Variants in MAGI2 observed in about 807,000 individuals in gnomAD.
MAGI2 encodes the protein membrane associated guanylate kinase, WW and PDZ domain containing 2.
A neutral mutation model predicts 133.3 loss-of-function variants in MAGI2; 35 were observed. The observed-to-expected ratio is 0.26, with a 90% CI of 0.20 to 0.35. The LOEUF (loss-of-function observed/expected upper bound fraction) is 0.35. Ranked by LOEUF, MAGI2 falls within the 10% of genes least tolerant of loss-of-function variation. The pLI is 1.00. For synonymous variants in MAGI2, 729 were observed against 710.6 expected (o/e 1.03, Z -0.41); for missense variants, 1,636 against 1,863.4 (o/e 0.88, Z 2.25).
At chr7:78,959,241 G>A (rs1284563739) in intron 2 of MAGI2, among the ~76,000 whole-genome samples, 1 of 152,130 alleles carries the variant, frequency 6.6e-6, no homozygotes, top group East Asian at 1.9e-4. Context: ...TGCAAAGTTA[G>A]TCAATTCCAG....
intron 1 of MAGI2, among the ~76,000 whole-genome samples, chr7:79,240,103 G>C (rs938794345): frequency 6.6e-6 from 1 of 152,088 alleles, no homozygotes. Flanking sequence ...CTGCTGCAGT[G>C]GTGTTCATCC....
intron 2 of MAGI2, among the ~76,000 whole-genome samples, chr7:78,724,822 C>T (rs1361243615): frequency 6.6e-6 from 1 of 152,172 alleles, no homozygotes. Context: ...TGCATAACAG[C>T]ACTTGCCAGT....
chr7:78,400,545 CA>C (rs1165154300), intron 6 of MAGI2, among the ~76,000 whole-genome samples: 1 of 152,042 alleles, frequency 6.6e-6, no homozygotes, highest in East Asian at 1.9e-4. Context: ...TTTATTCACA[CA>C]ATTTTTTAAT....
intron 2 of MAGI2, among the ~76,000 whole-genome samples, chr7:78,745,399 C>T (rs540729294): frequency 3.9e-5 from 6 of 152,092 alleles, no homozygotes; most frequent in Non-Finnish European, 5.9e-5. Flanking sequence ...CAATATGAGG[C>T]AAGCTTTCTG....
intron 1 of MAGI2, among the ~76,000 whole-genome samples, chr7:79,099,351 G>T (rs1321520673): frequency 2.6e-5 from 4 of 151,924 alleles, no homozygotes; most frequent in African/African-American, 9.7e-5. Context: ...AATTATTAGA[G>T]ATCTTAAATT....
chr7:78,019,052 T>C lies in MAGI2; in HGVS notation c.*263A>G. 1 of 448,720 alleles carries C rather than the reference T, an allele frequency of 2.2e-6. No homozygotes were observed. Among genetic ancestry groups the C allele is most frequent in the Non-Finnish European group, 3.9e-6 (1 of 254,338 alleles). The allele number at this position is 448,720 out of a possible 1,614,324, so 27.8% of individuals were successfully genotyped here. On this transcript the variant is annotated 3_prime_UTR_variant, in exon 22 of 22. Coordinates refer to ENST00000354212, the MANE Select transcript of MAGI2 (RefSeq NM_012301.4). ...GCTACACTGCACTGTCTCTCTGTGA[T>C]GTTCTTCACGTTATTTTGGTTCTTC...
intron 20 of MAGI2, among the ~76,000 whole-genome samples, chr7:78,102,078 C>T (rs759147529): frequency 6.6e-6 from 1 of 152,094 alleles, no homozygotes; most frequent in Non-Finnish European, 1.5e-5. Context: ...TTGGAGGACA[C>T]TATGCTAAGT....
At chr7:79,409,396 A>G (rs1056818899) in intron 1 of MAGI2, among the ~76,000 whole-genome samples, 4 of 151,668 alleles carry the variant, frequency 2.6e-5, no homozygotes, top group Admixed American at 2.0e-4. Flanking sequence ...AGTAGCTGCG[A>G]TTACAGACAA....
intron 6 of MAGI2, among the ~76,000 whole-genome samples, chr7:78,449,491 A>T (rs1788493437): frequency 6.6e-6 from 1 of 152,090 alleles, no homozygotes; most frequent in Non-Finnish European, 1.5e-5. Context: ...GAAATAAAAC[A>T]ATTGGACTCA....
rs374508690 is a variant in MAGI2 at position 78,334,623 on chromosome 7, G to T, written c.1408+9155C>A. On this transcript the variant is annotated intron_variant, in intron 9 of 21. Transcript: ENST00000354212. ...TCTGAGCATAGGCTTGGATGGGAGA[G>T]GGGGAGGTTAGGATGGAGGGTGTTT... 2.2e-3 allele frequency among the ~76,000 whole-genome samples: 338 copies of T among 152,306 alleles called. 4 individuals are homozygous for T. Among genetic ancestry groups the T allele is most frequent in the African/African-American group, 7.8e-3 (325 of 41,572 alleles).
intron 2 of MAGI2, among the ~76,000 whole-genome samples, chr7:78,919,760 C>A (rs1421384045): frequency 6.6e-6 from 1 of 152,042 alleles, no homozygotes. Context: ...TTATAACAGA[C>A]CTATTAATTG....
At chr7:78,534,111 T>A (rs1240826269) in intron 3 of MAGI2, among the ~76,000 whole-genome samples, 2 of 152,162 alleles carry the variant, frequency 1.3e-5, no homozygotes, top group Non-Finnish European at 2.9e-5. Flanking sequence ...ATAAGCACAG[T>A]CCTCTTTGAA....
intron 1 of MAGI2, among the ~76,000 whole-genome samples, chr7:79,136,779 C>T (rs1473513376): frequency 2.6e-5 from 4 of 152,048 alleles, no homozygotes; most frequent in African/African-American, 9.7e-5. Flanking sequence ...GTTTTTTAAG[C>T]TTAGTGTTTG....
chr7:79,076,639 G>T (rs1224301254), intron 1 of MAGI2, among the ~76,000 whole-genome samples: 16 of 152,130 alleles, frequency 1.1e-4, no homozygotes, highest in Admixed American at 9.8e-4. Context: ...TGTATGAGAG[G>T]AAATAATTTC....
chr7:78,829,605 A>C lies in MAGI2; in HGVS notation c.418+177485T>G, dbSNP rs142714843. On this transcript the variant is annotated intron_variant, in intron 2 of 21. Coordinates refer to ENST00000354212, the MANE Select transcript of MAGI2 (RefSeq NM_012301.4). ...TCAAAAAGCCTGCTATAGATAACTC[A>C]GTACAAATATTTCTGGCATCATACA... Among the ~76,000 whole-genome samples, 28 of 152,240 alleles carry C rather than the reference A, an allele frequency of 1.8e-4. No homozygotes were observed. The East Asian group carries it at 4.4e-3, about 24-fold the overall frequency.
chr7:78,347,738 T>A (rs536780219), intron 7 of MAGI2, among the ~76,000 whole-genome samples: 8 of 152,310 alleles, frequency 5.3e-5, no homozygotes, highest in Admixed American at 5.2e-4. Context: ...AGGGAGTGCT[T>A]CTAACAGTGC....
Position 79,007,088 on chromosome 7 carries a change from AC to A in MAGI2, c.418+1del. 1 of 1,592,382 alleles carries A rather than the reference AC, an allele frequency of 6.3e-7. No individual in the cohort carries two copies. The highest frequency in any genetic ancestry group is 1.4e-5 in the African/African-American group (1 of 74,068). On this transcript the variant is annotated splice_donor_variant, in intron 2 of 21. Transcript: ENST00000354212. LOFTEE classifies it high-confidence loss of function. ...AATATTAATACTGCCCATTGTACTC[AC>A]ATGGCACCGTGCGGAGGTAGAGGTT...
chr7:78,060,839 A>G (rs980213417), intron 21 of MAGI2, among the ~76,000 whole-genome samples: 3 of 152,138 alleles, frequency 2.0e-5, no homozygotes, highest in Admixed American at 1.3e-4. Context: ...GAATAGCAGG[A>G]TGGGGCCAAA....
At chr7:79,125,848 A>T in intron 1 of MAGI2, 1 of 472,844 alleles carries the variant, frequency 2.1e-6, no homozygotes, top group South Asian at 1.5e-5. Flanking sequence ...GCTTAGCAGA[A>T]GAGGAGAGCC....
Sources: gnomAD v4.1 joint callset for allele counts (sites outside exome capture counted in the v4.1 genomes callset) on GRCh38, gnomAD v4.1.1 for gene constraint, MANE v1.5 for transcripts, NCBI Gene and HGNC (gene_info 2026-07-23, HGNC 2026-07-21) for gene names.